PAWR: variants seen among roughly 807,000 people sequenced by gnomAD.
The protein encoded by PAWR is pro-apoptotic WT1 regulator.
In PAWR, 23 loss-of-function variants were observed where a neutral mutation model predicts 32.0. The ratio of observed to expected loss-of-function variants is 0.72; its 90% confidence interval spans 0.52 to 1.02. The LOEUF (loss-of-function observed/expected upper bound fraction) is 1.02. PAWR is among the 50% of genes least tolerant of loss of function. PAWR has a pLI of 0.00. For missense variants in PAWR, 457 were observed against 437.7 expected (o/e 1.04, Z -0.39); for synonymous variants, 226 against 187.1 (o/e 1.21, Z -1.70).
At chr12:79,682,170 G>C (rs1396849004) in intron 2 of PAWR, among the ~76,000 whole-genome samples, 1 of 151,754 alleles carries the variant, frequency 6.6e-6, no homozygotes, top group Admixed American at 6.6e-5. Flanking sequence ...GAGTTTTTCT[G>C]AGCCAGGGTC....
chr12:79,629,696 C>T (rs375347792), intron 2 of PAWR, among the ~76,000 whole-genome samples: 6 of 151,752 alleles, frequency 4.0e-5, no homozygotes, highest in East Asian at 1.9e-4. Context: ...TTTTGTTTTT[C>T]GAAAACTCAC....
intron 2 of PAWR, among the ~76,000 whole-genome samples, chr12:79,639,728 T>A (rs1315272732): frequency 6.6e-6 from 1 of 152,250 alleles, no homozygotes; most frequent in Admixed American, 6.5e-5. Context: ...ACCTTGTATG[T>A]TAACTGGCAA....
chr12:79,655,310 C>A (rs763659798), intron 2 of PAWR, among the ~76,000 whole-genome samples: 4 of 152,188 alleles, frequency 2.6e-5, no homozygotes, highest in African/African-American at 9.7e-5. Flanking sequence ...GGCCGCCACT[C>A]TCCAAACATT....
intron 2 of PAWR, among the ~76,000 whole-genome samples, chr12:79,643,462 T>A (rs1272267063): frequency 6.6e-6 from 1 of 152,184 alleles, no homozygotes; most frequent in Non-Finnish European, 1.5e-5. Flanking sequence ...TGAATGAGCA[T>A]TTAAATGCTA....
At chr12:79,664,402 T>G (rs1205008044) in intron 2 of PAWR, among the ~76,000 whole-genome samples, 1 of 152,224 alleles carries the variant, frequency 6.6e-6, no homozygotes, top group African/African-American at 2.4e-5. Context: ...TCTTCTCTAA[T>G]TTTTAGAACT....
chr12:79,639,835 TTCC>T (rs747535699), intron 2 of PAWR, among the ~76,000 whole-genome samples: 6,043 of 75,346 alleles, frequency 0.08, 215 homozygotes, highest in Admixed American at 0.16. Flanking sequence ...TCCTTTTCCA[TTCC>T]TATTCCTATT....
rs1163679838 is a variant in PAWR at position 79,589,108 on chromosome 12, C to T, written c.*3499G>A. Reference sequence around the variant, plus strand: ...ATCATGAATAGTTATTAAGTAAGTGCCAGCACTACATGCAACTTACTGGTC... The same window carrying T: ...ATCATGAATAGTTATTAAGTAAGTGTCAGCACTACATGCAACTTACTGGTC... On this transcript the variant is annotated 3_prime_UTR_variant, in exon 7 of 7. Coordinates refer to ENST00000328827, the MANE Select transcript of PAWR (RefSeq NM_002583.4). 2 of 151,768 alleles carry T rather than the reference C, an allele frequency of 1.3e-5. No individual in the cohort carries two copies. Among genetic ancestry groups the T allele is most frequent in the Non-Finnish European group, 2.9e-5 (2 of 67,832 alleles). 9.4% of individuals were successfully genotyped at this position (151,768 alleles called of 1,614,324 possible).
Position 79,621,116 on chromosome 12 carries a change from G to C in PAWR, c.608C>G (p.Ala203Gly). Residue 203 changes from alanine to glycine, a missense_variant, in exon 3 of 7, where the codon GCT (alanine) becomes GGT (glycine). Ala to Gly is a moderately conservative substitution (Grantham distance 60). Transcript: ENST00000328827. ...ACTGCCTGGATCTAGTAAGTTTACA[G>C]CTTCATTCTGAATAGTGTTCTGTTG... ...ITQQNTIQNEAVNLLDPGSSY... is the reference protein window; with the variant it reads ...ITQQNTIQNEGVNLLDPGSSY... 1.2e-6 allele frequency: 2 copies of C among 1,608,804 alleles called. No homozygotes were observed. The highest frequency in any genetic ancestry group is 1.7e-6 in the Non-Finnish European group (2 of 1,176,572).
rs1022914090 is a variant in PAWR, at chr12:79,690,403, G to A, written c.-147-12C>T. On this transcript the variant is annotated splice_polypyrimidine_tract_variant and intron_variant, in intron 1 of 6. Transcript: ENST00000328827. Reference sequence around the variant, plus strand: ...AGCAGCCGGCGGGGCTGAGGTGAAAGACAAAAGGGGGCGGGTAAGGGAAGC... The same window carrying A: ...AGCAGCCGGCGGGGCTGAGGTGAAAAACAAAAGGGGGCGGGTAAGGGAAGC... The A allele has an allele frequency of 5.3e-6, 7 of 1,316,730 alleles. No homozygotes were observed. Among genetic ancestry groups the A allele is most frequent in the East Asian group, 3.1e-5 (1 of 31,922 alleles). 81.6% of individuals were successfully genotyped at this position (1,316,730 alleles called of 1,614,324 possible). A position where few individuals can be genotyped will look rare whatever the true frequency, so the allele number is the denominator to read the frequency against.
At chr12:79,628,309 C>G (rs1289146336) in intron 2 of PAWR, among the ~76,000 whole-genome samples, 1 of 152,012 alleles carries the variant, frequency 6.6e-6, no homozygotes, top group Admixed American at 6.6e-5. Context: ...ACATTCAAAG[C>G]AGTGTGTAGA....
intron 2 of PAWR, among the ~76,000 whole-genome samples, chr12:79,623,131 G>A (rs1298303307): frequency 4.6e-5 from 7 of 152,098 alleles, no homozygotes; most frequent in Admixed American, 6.5e-5. Flanking sequence ...CTAGTTAAAT[G>A]ACATAGGCAA....
intron 2 of PAWR, among the ~76,000 whole-genome samples, chr12:79,681,602 A>C (rs1452669159): frequency 2.6e-5 from 4 of 152,230 alleles, no homozygotes; most frequent in African/African-American, 9.6e-5. Context: ...AAAAATAAGA[A>C]TAGAAACACA....
At chr12:79,671,160 C>T (rs7138974) in intron 2 of PAWR, among the ~76,000 whole-genome samples, 29,455 of 145,234 alleles carry the variant, frequency 0.2, 7,703 homozygotes, top group African/African-American at 0.6. Context: ...GAAAACATTA[C>T]ATTCAAATAC....
intron 2 of PAWR, among the ~76,000 whole-genome samples, chr12:79,664,353 G>T (rs1023737275): frequency 6.6e-6 from 1 of 151,788 alleles, no homozygotes; most frequent in East Asian, 1.9e-4. Flanking sequence ...AAAATATATA[G>T]TAAATTAAAC....
chr12:79,664,663 G>GGA (rs1555177493), intron 2 of PAWR, among the ~76,000 whole-genome samples: 1 of 149,084 alleles, frequency 6.7e-6, no homozygotes, highest in East Asian at 2.0e-4. Context: ...TTTGGCGGGG[G>GGA]GGGGAGGAGA....
chr12:79,679,849 T>C (rs1451659889), intron 2 of PAWR, among the ~76,000 whole-genome samples: 3 of 152,198 alleles, frequency 2.0e-5, no homozygotes, highest in Non-Finnish European at 4.4e-5. Context: ...CAATGAAATA[T>C]CTCTGAAATC....
chr12:79,595,612 C>T (rs545609823), intron 5 of PAWR, among the ~76,000 whole-genome samples: 3 of 152,258 alleles, frequency 2.0e-5, no homozygotes, highest in East Asian at 3.9e-4. Context: ...TTTAGGAAGC[C>T]GAGGCGGGTG....
In PAWR at chr12:79,591,168, G is replaced by A. The variant is rs1045419916; in HGVS notation, c.*1439C>T. 4 of 152,172 alleles carry A rather than the reference G, an allele frequency of 2.6e-5. No individual in the cohort carries two copies. Among genetic ancestry groups the A allele is most frequent in the Non-Finnish European group, 5.9e-5 (4 of 68,028 alleles). 9.4% of individuals were successfully genotyped at this position (152,172 alleles called of 1,614,324 possible). A position where few individuals can be genotyped will look rare whatever the true frequency, so the allele number is the denominator to read the frequency against. On this transcript the variant is annotated 3_prime_UTR_variant, in exon 7 of 7. Transcript: ENST00000328827. ...TCAAGTGATTCTGATGATTGGCCAAGCTGGAAACTTCTGAACTGGGGGAGA... is the reference window on the plus strand; with the variant it reads ...TCAAGTGATTCTGATGATTGGCCAAACTGGAAACTTCTGAACTGGGGGAGA...
At chr12:79,679,889 G>A (rs1053712150) in intron 2 of PAWR, among the ~76,000 whole-genome samples, 3 of 151,918 alleles carry the variant, frequency 2.0e-5, no homozygotes, top group African/African-American at 7.3e-5. Flanking sequence ...TACCACTATT[G>A]CCCTAGCGAT....
Sources: gnomAD v4.1 joint callset for allele counts (sites outside exome capture counted in the v4.1 genomes callset) on GRCh38, gnomAD v4.1.1 for gene constraint, MANE v1.5 for transcripts, NCBI Gene and HGNC (gene_info 2026-07-23, HGNC 2026-07-21) for gene names.